NLGN1: variants seen among roughly 807,000 people sequenced by gnomAD.
NLGN1 encodes the protein neuroligin-1.
Under a neutral mutation model 65.5 loss-of-function variants are expected in NLGN1, and 12 were observed. The ratio of observed to expected loss-of-function variants is 0.18; its 90% confidence interval spans 0.12 to 0.30. The LOEUF is 0.30. Among genes scored for constraint, NLGN1 ranks in the 10% least tolerant of loss-of-function variants. The pLI, the probability that NLGN1 is intolerant of heterozygous loss-of-function variation, is 1.00. For synonymous variants in NLGN1, 350 were observed against 359.5 expected, an observed-to-expected ratio of 0.97 and a Z score of 0.30; for missense variants, 750 against 1,007.1, an observed-to-expected ratio of 0.74 and a Z score of 3.46.
chr3:173,459,384 G>C (rs369512358), intron 2 of NLGN1, among the ~76,000 whole-genome samples: 2 of 152,042 alleles, frequency 1.3e-5, no homozygotes, highest in East Asian at 3.8e-4. Context: ...ACATACACAT[G>C]TGAATTTAAT....
chr3:173,979,962 C>G (rs1718391085), intron 4 of NLGN1, among the ~76,000 whole-genome samples: 1 of 151,960 alleles, frequency 6.6e-6, no homozygotes, highest in East Asian at 1.9e-4. Context: ...ATCTTCAGCT[C>G]CCAAATGGTA....
chr3:174,031,896 A>G (rs1730112108), intron 4 of NLGN1, among the ~76,000 whole-genome samples: 1 of 152,078 alleles, frequency 6.6e-6, no homozygotes, highest in South Asian at 2.1e-4. Flanking sequence ...TTAGAAGACT[A>G]GAAGAGGAAT....
chr3:173,818,375 G>A (rs1247652448), intron 4 of NLGN1, among the ~76,000 whole-genome samples: 1 of 152,112 alleles, frequency 6.6e-6, no homozygotes, highest in East Asian at 1.9e-4. Flanking sequence ...TTTCAGCACA[G>A]TTTTATGAGT....
At position 173,579,867 on chromosome 3, in the gene NLGN1, A is replaced by AT. The variant is rs917785344; in HGVS notation, c.-320-24403dup. Among the ~76,000 whole-genome samples, 30 of 151,384 alleles carry AT rather than the reference A, an allele frequency of 2.0e-4. 1 individual carries two copies. The highest frequency in any genetic ancestry group is 3.9e-4 in the Admixed American group (6 of 15,210). ...AGGGGAGTTCTGAAGATGGTAGAGG[A>AT]TTTTTTTTTCTCCAGACTTGCTTTA... On this transcript the variant is annotated intron_variant, in intron 2 of 6. Coordinates refer to ENST00000457714, the Ensembl canonical transcript of NLGN1.
intron 3 of NLGN1, among the ~76,000 whole-genome samples, chr3:173,802,519 T>C (rs550196952): frequency 6.6e-6 from 1 of 152,338 alleles, no homozygotes; most frequent in Admixed American, 6.5e-5. Context: ...AAGAAACCTT[T>C]TATAGAAATT....
intron 1 of NLGN1, among the ~76,000 whole-genome samples, chr3:173,406,736 C>G (rs1718777176): frequency 6.6e-6 from 1 of 151,796 alleles, no homozygotes; most frequent in Non-Finnish European, 1.5e-5. Flanking sequence ...ATTGCCACTG[C>G]TCTTAAGTGG....
intron 4 of NLGN1, among the ~76,000 whole-genome samples, chr3:174,127,191 T>G (rs182703641): frequency 0.013 from 2,045 of 152,280 alleles, 26 homozygotes; most frequent in Non-Finnish European, 0.017. Flanking sequence ...AAATCTTATC[T>G]AAACAGTTTA....
chr3:173,790,140 G>A (rs1479065875), intron 3 of NLGN1, among the ~76,000 whole-genome samples: 1 of 151,958 alleles, frequency 6.6e-6, no homozygotes, highest in South Asian at 2.1e-4. Context: ...GAGTGGTTAG[G>A]TAGTTTCAAA....
At chr3:173,883,769 C>T (rs77151036) in intron 4 of NLGN1, among the ~76,000 whole-genome samples, 1,674 of 142,584 alleles carry the variant, frequency 0.012, 35 homozygotes, top group African/African-American at 0.038. Context: ...GGCCATGATA[C>T]TTTCAAAATA....
intron 1 of NLGN1, among the ~76,000 whole-genome samples, chr3:173,406,647 T>C (rs138460545): frequency 1.1e-3 from 160 of 151,770 alleles, no homozygotes; most frequent in African/African-American, 3.7e-3. Context: ...CAGATGCTAC[T>C]ATTTGTGGAT....
intron 3 of NLGN1, among the ~76,000 whole-genome samples, chr3:173,618,817 GAGTGAGAGATAAAGCTGGC>G (rs1243506245): frequency 6.6e-6 from 1 of 152,038 alleles, no homozygotes. Context: ...CTCAATCTAG[GAGTGAGAGATAAAGCTGGC>G]AGTGAGAGAT....
chr3:174,069,993 G>T (rs1483425515), intron 4 of NLGN1, among the ~76,000 whole-genome samples: 1 of 152,152 alleles, frequency 6.6e-6, no homozygotes, highest in Non-Finnish European at 1.5e-5. Context: ...AAATGAGATA[G>T]CTAATGTACA....
At chr3:173,605,691 A>ATGGT in intron 3 of NLGN1, 98 bp downstream of exon 3, 1 of 535,986 alleles carries the variant, frequency 1.9e-6, no homozygotes, top group Non-Finnish European at 3.2e-6. Flanking sequence ...TGGGAAGTAA[A>ATGGT]TGGTTAGGTG....
At chr3:174,269,642 G>C (rs1748964459) in intron 4 of NLGN1, among the ~76,000 whole-genome samples, 1 of 151,902 alleles carries the variant, frequency 6.6e-6, no homozygotes, top group African/African-American at 2.4e-5. Context: ...ATAGTACTTA[G>C]ATGAACATGG....
intron 2 of NLGN1, among the ~76,000 whole-genome samples, chr3:173,547,694 A>C (rs1385081690): frequency 6.6e-6 from 1 of 152,120 alleles, no homozygotes; most frequent in East Asian, 1.9e-4. Context: ...TGTTTATTGC[A>C]TTGGGATGAG....
At chr3:173,800,597 TTTG>T (rs1715262558) in intron 3 of NLGN1, among the ~76,000 whole-genome samples, 1 of 151,780 alleles carries the variant, frequency 6.6e-6, no homozygotes, top group African/African-American at 2.4e-5. Context: ...GCATTTTTTT[TTTG>T]TTTTCTTGAA....
At chr3:173,724,667 G>T (rs978779511) in intron 3 of NLGN1, among the ~76,000 whole-genome samples, 2 of 152,134 alleles carry the variant, frequency 1.3e-5, no homozygotes, top group Non-Finnish European at 2.9e-5. Context: ...ATTTGACCCA[G>T]CCATCCCATT....
chr3:173,928,412 A>C (rs1322567335), intron 4 of NLGN1, among the ~76,000 whole-genome samples: 1 of 152,194 alleles, frequency 6.6e-6, no homozygotes, highest in Non-Finnish European at 1.5e-5. Flanking sequence ...TTATCTCTTA[A>C]ACAAAATAAT....
At chr3:173,530,423 A>G (rs115927857) in intron 2 of NLGN1, among the ~76,000 whole-genome samples, 1,764 of 152,292 alleles carry the variant, frequency 0.012, 40 homozygotes, top group African/African-American at 0.04. Context: ...GGATGAATGA[A>G]ACAGAAGTTA....
Sources: allele counts gnomAD v4.1 joint callset (sites outside exome capture counted in the v4.1 genomes callset), GRCh38; gene constraint gnomAD v4.1.1; transcripts MANE v1.5; gene names NCBI Gene and HGNC (gene_info 2026-07-23, HGNC 2026-07-21).